Variants in PCNX1 observed in about 807,000 individuals in gnomAD.
PCNX1 encodes pecanex 1, also known as pecanex-like protein 1.
Under a neutral mutation model 242.2 loss-of-function variants are expected in PCNX1, and 78 were observed. The ratio of observed to expected loss-of-function variants is 0.32; its 90% CI spans 0.27 to 0.39. The LOEUF (loss-of-function observed/expected upper bound fraction) is 0.39, where lower values mean the gene tolerates loss of function less well. Among genes scored for constraint, PCNX1 ranks in the 10% least tolerant of loss-of-function variants. The probability of loss-of-function intolerance (pLI) is 1.00; values close to 1 mark genes in which losing one functional copy is unlikely to be tolerated. For synonymous variants in PCNX1, 1,024 were observed against 1,032.9 expected (o/e 0.99, Z 0.17); for missense variants, 2,581 against 2,856.5 (o/e 0.90, Z 2.20).
intron 16 of PCNX1, among the ~76,000 whole-genome samples, chr14:71,032,912 T>C (rs1387055022): frequency 6.6e-6 from 1 of 152,196 alleles, no homozygotes; most frequent in Non-Finnish European, 1.5e-5. Context: ...AAACAGTTAC[T>C]GAATGCCTGC....
chr14:71,089,569 C>G (rs145001534), intron 30 of PCNX1, among the ~76,000 whole-genome samples: 2 of 152,112 alleles, frequency 1.3e-5, no homozygotes, highest in African/African-American at 4.8e-5. Flanking sequence ...CATATGGTGG[C>G]AACAAGGAGA....
chr14:71,060,255 G>C (rs1464287577), intron 26 of PCNX1, among the ~76,000 whole-genome samples: 1 of 151,942 alleles, frequency 6.6e-6, no homozygotes, highest in Non-Finnish European at 1.5e-5. Flanking sequence ...CTATGCTACT[G>C]GTCATGTAAA....
At chr14:71,063,772 A>G (rs1337094942) in intron 26 of PCNX1, among the ~76,000 whole-genome samples, 1 of 152,208 alleles carries the variant, frequency 6.6e-6, no homozygotes, top group Non-Finnish European at 1.5e-5. Flanking sequence ...CTTTTAAGTA[A>G]TATTGAAACA....
At chr14:71,083,219 C>T (rs1181571962) in intron 28 of PCNX1, among the ~76,000 whole-genome samples, 1 of 152,212 alleles carries the variant, frequency 6.6e-6, no homozygotes, top group Non-Finnish European at 1.5e-5. Context: ...GCAGAGAGAT[C>T]TGCTGTTAGT....
intron 2 of PCNX1, among the ~76,000 whole-genome samples, chr14:70,950,709 A>T (rs2057743223): frequency 1.3e-5 from 2 of 152,010 alleles, no homozygotes; most frequent in African/African-American, 4.8e-5. Flanking sequence ...ATTATTGTTT[A>T]ATATTCCCGT....
intron 5 of PCNX1, 135 bp downstream of exon 5, chr14:70,969,245 T>G: frequency 3.1e-6 from 2 of 645,922 alleles, no homozygotes; most frequent in Non-Finnish European, 5.6e-6. Flanking sequence ...ACATAAAATG[T>G]TATGGTGATA....
intron 7 of PCNX1, among the ~76,000 whole-genome samples, chr14:70,994,206 C>A (rs1331153594): frequency 1.3e-5 from 2 of 151,832 alleles, no homozygotes; most frequent in Non-Finnish European, 2.9e-5. Context: ...ATATGGTAGA[C>A]ACTAACTACT....
chr14:71,022,101 T>G lies in PCNX1; in HGVS notation c.3151-1099T>G, dbSNP rs76012936. On this transcript the variant is annotated intron_variant, in intron 12 of 35. Coordinates refer to ENST00000304743, the MANE Select transcript of PCNX1 (RefSeq NM_014982.3). ...TTCCCAATATCTTTGCTTTTGGCAGTGATATACCTGCTAAAAATCTTTGAG... is the reference window on the plus strand; with the variant it reads ...TTCCCAATATCTTTGCTTTTGGCAGGGATATACCTGCTAAAAATCTTTGAG... Among the ~76,000 whole-genome samples, 351 of 152,284 alleles carry G rather than the reference T, an allele frequency of 2.3e-3. 4 individuals are homozygous for G. The East Asian group carries it at 0.034, about 15-fold the overall frequency.
chr14:71,027,813 A>G (rs998570342), intron 15 of PCNX1, among the ~76,000 whole-genome samples: 5 of 151,946 alleles, frequency 3.3e-5, no homozygotes, highest in Non-Finnish European at 5.9e-5. Flanking sequence ...GGTTTCATCA[A>G]TCAGCATGGC....
chr14:70,941,405 C>G (rs909601593), intron 1 of PCNX1, among the ~76,000 whole-genome samples: 2 of 152,220 alleles, frequency 1.3e-5, no homozygotes, highest in Admixed American at 6.5e-5. Flanking sequence ...ACTCCAGACC[C>G]TGTTTGCCTG....
intron 26 of PCNX1, among the ~76,000 whole-genome samples, chr14:71,060,272 G>A (rs138283161): frequency 4.9e-4 from 75 of 152,050 alleles, no homozygotes; most frequent in African/African-American, 1.8e-3. Flanking sequence ...TAAAAATCTA[G>A]CACATACAAT....
intron 1 of PCNX1, among the ~76,000 whole-genome samples, chr14:70,921,300 G>A (rs1411849727): frequency 6.6e-6 from 1 of 152,026 alleles, no homozygotes; most frequent in African/African-American, 2.4e-5. Flanking sequence ...ACTTGGATGG[G>A]GAATAAAGAG....
intron 1 of PCNX1, among the ~76,000 whole-genome samples, chr14:70,927,446 T>C (rs184905894): frequency 8.5e-4 from 130 of 152,294 alleles, no homozygotes; most frequent in African/African-American, 2.5e-3. Context: ...ATAGTATCAT[T>C]CTGTTTCAAG....
intron 33 of PCNX1, 144 bp downstream of exon 33, chr14:71,105,584 T>TGTCAC: frequency 1.6e-6 from 1 of 615,236 alleles, no homozygotes; most frequent in Non-Finnish European, 2.8e-6. Context: ...GGAGTCTTGC[T>TGTCAC]CTGGCTGGAG....
intron 1 of PCNX1, among the ~76,000 whole-genome samples, chr14:70,921,395 C>A (rs541904089): frequency 1.3e-5 from 2 of 152,260 alleles, no homozygotes; most frequent in East Asian, 3.9e-4. Context: ...GTCCTCCCAT[C>A]TGAGTCTCCT....
rs2060314981 is a variant in PCNX1 at position 71,029,139 on chromosome 14, G to T, written c.3558+348G>T. Among the ~76,000 whole-genome samples the T allele has an allele frequency of 2.0e-5, 3 of 151,778 alleles. No homozygotes were observed. The South Asian group carries it at 6.2e-4, about 31-fold the overall frequency. ...AAGAATTTAACTACTTTTCCTATTAGTTTTTTTAAACTTATAAAAACAAGT... is the reference window on the plus strand; with the variant it reads ...AAGAATTTAACTACTTTTCCTATTATTTTTTTTAAACTTATAAAAACAAGT... On this transcript the variant is annotated intron_variant, in intron 16 of 35. Coordinates refer to ENST00000304743, the MANE Select transcript of PCNX1 (RefSeq NM_014982.3).
At chr14:70,915,216 T>C (rs1435177831) in intron 1 of PCNX1, among the ~76,000 whole-genome samples, 2 of 152,198 alleles carry the variant, frequency 1.3e-5, no homozygotes, top group Non-Finnish European at 2.9e-5. Context: ...TTGGCTACTA[T>C]ATGTAAAGAT....
chr14:70,919,160 G>A (rs141801202), intron 1 of PCNX1, among the ~76,000 whole-genome samples: 2 of 151,918 alleles, frequency 1.3e-5, no homozygotes, highest in Non-Finnish European at 2.9e-5. Context: ...CTGGGATTAC[G>A]GGCATGAGCC....
chr14:71,094,274 G>C (rs1227132040), intron 30 of PCNX1, among the ~76,000 whole-genome samples: 2 of 152,302 alleles, frequency 1.3e-5, no homozygotes, highest in South Asian at 4.1e-4. Context: ...TAGATCAGTG[G>C]TTACTTGAAG....
Sources: allele counts gnomAD v4.1 joint callset (sites outside exome capture counted in the v4.1 genomes callset), GRCh38; gene constraint gnomAD v4.1.1; transcripts MANE v1.5; gene names NCBI Gene and HGNC (gene_info 2026-07-23, HGNC 2026-07-21).